Variants in MGA observed in about 807,000 individuals in gnomAD.
MGA encodes the protein MAX dimerization protein MGA.
MGA carries 40 observed loss-of-function variants against 261.1 expected under a neutral mutation model. That is an observed-to-expected ratio of 0.15 (90% CI 0.12 to 0.20). The LOEUF (loss-of-function observed/expected upper bound fraction) is 0.20, where lower values mean the gene tolerates loss of function less well. Ranked by LOEUF, MGA falls within the 10% of genes least tolerant of loss-of-function variation. The pLI, the probability that MGA is intolerant of heterozygous loss-of-function variation, is 1.00. For synonymous variants in MGA, 1,302 were observed against 1,290.6 expected (o/e 1.01, Z -0.19); for missense variants, 3,397 against 3,630.5 (o/e 0.94, Z 1.65).
intron 1 of MGA, among the ~76,000 whole-genome samples, chr15:41,635,202 C>T (rs1176029498): frequency 6.6e-6 from 1 of 152,022 alleles, no homozygotes; most frequent in African/African-American, 2.4e-5. Flanking sequence ...GGTGTGGTGG[C>T]GTGCACCTGT....
chr15:41,656,609 C>A (rs1222484843), upstream of MGA, among the ~76,000 whole-genome samples: 1 of 152,040 alleles, frequency 6.6e-6, no homozygotes, highest in East Asian at 1.9e-4. Context: ...GTCCGTCCCA[C>A]CTCAGCCTCC....
Position 41,767,368 on chromosome 15 carries a change from A to G in MGA, c.*88A>G, listed in dbSNP as rs555288555. ...GCAGGCATCTGTTTGTTTGTGTCTTAGAACTTGGATCCTTGACTTCAATGA... is the reference window on the plus strand; with the variant it reads ...GCAGGCATCTGTTTGTTTGTGTCTTGGAACTTGGATCCTTGACTTCAATGA... On this transcript the variant is annotated 3_prime_UTR_variant, in exon 24 of 24. Coordinates refer to ENST00000219905, the MANE Select transcript of MGA (RefSeq NM_001164273.2). 1 of 1,398,744 alleles carries G rather than the reference A, an allele frequency of 7.1e-7. No individual in the cohort carries two copies. The allele number at this position is 1,398,744 out of a possible 1,614,324, so 86.6% of individuals were successfully genotyped here. A position where few individuals can be genotyped will look rare whatever the true frequency, so the allele number is the denominator to read the frequency against.
intron 2 of MGA, among the ~76,000 whole-genome samples, chr15:41,689,270 G>T (rs892385712): frequency 6.0e-5 from 9 of 149,924 alleles, no homozygotes; most frequent in African/African-American, 2.2e-4. Context: ...TCTGTGGCTC[G>T]CTCTCATCCT....
At chr15:41,687,572 T>C (rs548976918) in intron 2 of MGA, among the ~76,000 whole-genome samples, 3 of 152,342 alleles carry the variant, frequency 2.0e-5, no homozygotes, top group Admixed American at 2.0e-4. Flanking sequence ...TTTGTATGTA[T>C]TTTAAACTAT....
At chr15:41,728,291 A>G (rs1332707861) in intron 10 of MGA, among the ~76,000 whole-genome samples, 1 of 152,146 alleles carries the variant, frequency 6.6e-6, no homozygotes, top group Non-Finnish European at 1.5e-5. Context: ...AGATTGCTCC[A>G]CTGCATTCCA....
At chr15:41,716,010 T>C (rs755873438) in intron 9 of MGA, among the ~76,000 whole-genome samples, 22 of 152,202 alleles carry the variant, frequency 1.4e-4, no homozygotes, top group Admixed American at 6.5e-4. Flanking sequence ...TCCTGTGCCC[T>C]ATCCTTGACT....
chr15:41,739,229 C>G (rs913130066), intron 13 of MGA, among the ~76,000 whole-genome samples: 7 of 152,096 alleles, frequency 4.6e-5, no homozygotes, highest in African/African-American at 1.7e-4. Context: ...ATCTTTACTT[C>G]ATTTGTTGGT....
At chr15:41,621,826 C>G (rs973689334) in intron 1 of MGA, among the ~76,000 whole-genome samples, 1 of 152,192 alleles carries the variant, frequency 6.6e-6, no homozygotes, top group Admixed American at 6.5e-5. Flanking sequence ...GAGGTTCGAC[C>G]GGGCCCTGAC....
At chr15:41,761,001 C>T (rs958203539) in intron 20 of MGA, among the ~76,000 whole-genome samples, 1 of 152,186 alleles carries the variant, frequency 6.6e-6, no homozygotes, top group African/African-American at 2.4e-5. Context: ...GAACTCCCGA[C>T]CTCCAGTGAT....
At chr15:41,646,697 G>A (rs1040299779) in intron 1 of MGA, among the ~76,000 whole-genome samples, 4 of 151,788 alleles carry the variant, frequency 2.6e-5, no homozygotes, top group East Asian at 2.0e-4. Context: ...GCAACAGAAC[G>A]AGACTCTGTC....
chr15:41,627,431 C>T (rs903243713), intron 1 of MGA, among the ~76,000 whole-genome samples: 1 of 152,124 alleles, frequency 6.6e-6, no homozygotes, highest in African/African-American at 2.4e-5. Context: ...GTCAGGTTTT[C>T]TGTAGCATGT....
chr15:41,761,802 CT>C lies in MGA; in HGVS notation c.7463del (p.Leu2488ArgfsTer8). Reference sequence around the variant, plus strand: ...CAAATTGATAGGACAGAAAAATCTCCTGACTCGAAAACGGAATATTCTGATA... The same window carrying C: ...CAAATTGATAGGACAGAAAAATCTCCGACTCGAAAACGGAATATTCTGATA... On this transcript the variant is annotated frameshift_variant, in exon 21 of 24. Coordinates refer to ENST00000219905, the MANE Select transcript of MGA (RefSeq NM_001164273.2). LOFTEE classifies it high-confidence loss of function. 1 of 1,598,650 alleles carries C rather than the reference CT, an allele frequency of 6.3e-7. No homozygotes were observed. The highest frequency in any genetic ancestry group is 1.1e-5 in the South Asian group (1 of 87,880).
At chr15:41,681,345 A>G (rs2058662829) in intron 2 of MGA, among the ~76,000 whole-genome samples, 2 of 151,256 alleles carry the variant, frequency 1.3e-5, no homozygotes, top group African/African-American at 4.9e-5. Context: ...ATTTTCTAGT[A>G]CAATATATGG....
At chr15:41,727,449 A>G (rs753951192) in intron 10 of MGA, 43 bp downstream of exon 10, 2 of 1,545,244 alleles carry the variant, frequency 1.3e-6, no homozygotes, top group South Asian at 2.3e-5. Flanking sequence ...TACCAAAGTC[A>G]TGTGTAAAGA....
At position 41,750,473 on chromosome 15, in the gene MGA, G is replaced by A. The variant is rs2062770374; in HGVS notation, c.6866G>A (p.Gly2289Asp). ...ATACAACCAAAGCAAGAGAAGAAGG[G>A]TGGGAGAAGCAGTGCTGACTTCACT... is the stretch of plus-strand genomic sequence containing the variant. The change falls in exon 17 of 24, where the codon GGT becomes GAT. Residue 2289 changes from glycine to aspartate, a missense_variant. Gly to Asp is a moderately conservative substitution (Grantham distance 94). Coordinates refer to ENST00000219905, the MANE Select transcript of MGA (RefSeq NM_001164273.2). The A allele has an allele frequency of 1.9e-6, 3 of 1,613,860 alleles. No homozygotes were observed. Among genetic ancestry groups the A allele is most frequent in the Non-Finnish European group, 2.5e-6 (3 of 1,179,886 alleles).
intron 1 of MGA, among the ~76,000 whole-genome samples, chr15:41,640,988 C>T (rs1443067863): frequency 6.6e-6 from 1 of 152,162 alleles, no homozygotes; most frequent in African/African-American, 2.4e-5. Flanking sequence ...CAGTCATTCC[C>T]TATTTCTCCC....
intron 2 of MGA, among the ~76,000 whole-genome samples, chr15:41,688,596 T>C (rs1457526028): frequency 1.3e-5 from 2 of 152,254 alleles, no homozygotes; most frequent in Non-Finnish European, 2.9e-5. Context: ...TTACATTTAA[T>C]GCCATTACTT....
intron 1 of MGA, among the ~76,000 whole-genome samples, chr15:41,663,349 T>C (rs2057527803): frequency 6.6e-6 from 1 of 152,222 alleles, no homozygotes; most frequent in Admixed American, 6.5e-5. Flanking sequence ...TGAAAGTTTT[T>C]GAATGTTAAG....
rs536224140 is a variant in MGA at position 41,769,690 on chromosome 15, C to A, written c.*2410C>A. 6.6e-6 allele frequency: 1 copy of A among 152,532 alleles called. No homozygotes were observed. The highest frequency in any genetic ancestry group is 2.4e-5 in the African/African-American group (1 of 41,484). The allele number at this position is 152,532 out of a possible 1,614,324, so 9.4% of individuals were successfully genotyped here. Reference sequence around the variant, plus strand: ...AACGTGGAAGACAGTGAGCTCTCACCCTAACACTATAAGAAGCATGATCTC... The same window carrying A: ...AACGTGGAAGACAGTGAGCTCTCACACTAACACTATAAGAAGCATGATCTC... On this transcript the variant is annotated 3_prime_UTR_variant, in exon 24 of 24. Transcript: ENST00000219905.
Sources: allele counts gnomAD v4.1 joint callset (sites outside exome capture counted in the v4.1 genomes callset), GRCh38; gene constraint gnomAD v4.1.1; transcripts MANE v1.5; gene names NCBI Gene and HGNC (gene_info 2026-07-23, HGNC 2026-07-21).